GALNT13: variants seen among roughly 807,000 people sequenced by gnomAD.
GALNT13 encodes polypeptide N-acetylgalactosaminyltransferase 13.
Under a neutral mutation model 64.2 loss-of-function variants are expected in GALNT13, and 28 were observed. That is an observed-to-expected ratio of 0.44 (90% CI 0.32 to 0.60). GALNT13 has a LOEUF of 0.60. Among genes scored for constraint, GALNT13 ranks in the 20% least tolerant of loss-of-function variants. The pLI is 0.05. For missense variants in GALNT13, 577 were observed against 669.8 expected, an observed-to-expected ratio of 0.86 and a Z score of 1.53; for synonymous variants, 214 against 224.6, an observed-to-expected ratio of 0.95 and a Z score of 0.42.
At chr2:154,064,791 C>T (rs1332208619) in intron 3 of GALNT13, among the ~76,000 whole-genome samples, 2 of 152,086 alleles carry the variant, frequency 1.3e-5, no homozygotes, top group Admixed American at 1.3e-4. Flanking sequence ...CAGATGTGAT[C>T]CAGCAATTCC....
the GALNT13 span, among the ~76,000 whole-genome samples, chr2:153,657,254 G>A: frequency 6.6e-6 from 1 of 152,080 alleles, no homozygotes; most frequent in African/African-American, 2.4e-5. Context: ...GTTATTTACA[G>A]GAATGGGGGA....
intron 9 of GALNT13, among the ~76,000 whole-genome samples, chr2:154,353,151 A>G (rs1696506672): frequency 6.6e-6 from 1 of 152,170 alleles, no homozygotes; most frequent in African/African-American, 2.4e-5. Flanking sequence ...TCAGTTTATC[A>G]TCTATATAAT....
the GALNT13 span, among the ~76,000 whole-genome samples, chr2:153,437,073 T>C: frequency 6.6e-6 from 1 of 152,206 alleles, no homozygotes; most frequent in African/African-American, 2.4e-5. Context: ...TAGCCTTCAT[T>C]TCGTTATGTA....
intron 3 of GALNT13, among the ~76,000 whole-genome samples, chr2:154,073,264 T>C (rs1416683885): frequency 5.3e-5 from 8 of 152,032 alleles, no homozygotes; most frequent in Admixed American, 6.6e-5. Flanking sequence ...TAGTTTTTCG[T>C]AGAACATCAT....
intron 4 of GALNT13, among the ~76,000 whole-genome samples, chr2:154,168,424 T>A (rs1295317037): frequency 2.0e-5 from 3 of 152,118 alleles, no homozygotes; most frequent in Non-Finnish European, 4.4e-5. Context: ...AGTCTACTAA[T>A]TGACCTAATT....
At chr2:153,774,584 C>G in the GALNT13 span, among the ~76,000 whole-genome samples, 1 of 151,980 alleles carries the variant, frequency 6.6e-6, no homozygotes, top group Non-Finnish European at 1.5e-5. Flanking sequence ...TAAACTTATT[C>G]TTGTTGAAAT....
the GALNT13 span, among the ~76,000 whole-genome samples, chr2:153,172,976 G>A: frequency 2.0e-5 from 3 of 152,014 alleles, no homozygotes; most frequent in Admixed American, 6.5e-5. Flanking sequence ...CATGTGCTTC[G>A]GATATCTCCT....
At chr2:154,098,084 GTCTT>G (rs1370278246) in intron 3 of GALNT13, among the ~76,000 whole-genome samples, 13 of 113,200 alleles carry the variant, frequency 1.1e-4, no homozygotes, top group African/African-American at 4.0e-4. Flanking sequence ...TTCTCTGCTT[GTCTT>G]TCTTTTTTTT....
chr2:154,023,274 C>A (rs924335412), intron 3 of GALNT13, among the ~76,000 whole-genome samples: 3 of 152,180 alleles, frequency 2.0e-5, no homozygotes, highest in Non-Finnish European at 2.9e-5. Context: ...GTTTATCTGT[C>A]TAATGTTGAC....
At chr2:154,388,326 G>A (rs1228915945) in intron 9 of GALNT13, among the ~76,000 whole-genome samples, 1 of 151,986 alleles carries the variant, frequency 6.6e-6, no homozygotes, top group African/African-American at 2.4e-5. Context: ...TCAGATCCAT[G>A]GCTTACATTT....
chr2:153,918,837 A>G (rs1438821611), intron 2 of GALNT13, among the ~76,000 whole-genome samples: 7 of 152,126 alleles, frequency 4.6e-5, no homozygotes. Context: ...CAAGTCCATT[A>G]TTAGCTACAC....
At chr2:153,544,640 C>A in the GALNT13 span, among the ~76,000 whole-genome samples, 1 of 152,088 alleles carries the variant, frequency 6.6e-6, no homozygotes, top group African/African-American at 2.4e-5. Flanking sequence ...GGTAGGAACC[C>A]ATGATTCAGG....
At chr2:153,480,537 G>C in the GALNT13 span, among the ~76,000 whole-genome samples, 1 of 151,894 alleles carries the variant, frequency 6.6e-6, no homozygotes, top group African/African-American at 2.4e-5. Flanking sequence ...CCTCACTCTC[G>C]GCAATTTCTT....
At chr2:153,342,575 A>G in the GALNT13 span, among the ~76,000 whole-genome samples, 12 of 152,220 alleles carry the variant, frequency 7.9e-5, no homozygotes, top group Non-Finnish European at 1.5e-4. Context: ...ACACATTACA[A>G]TTTGACTTTA....
chr2:154,147,494 C>G (rs1683685474), intron 4 of GALNT13, among the ~76,000 whole-genome samples: 2 of 151,258 alleles, frequency 1.3e-5, no homozygotes, highest in South Asian at 4.2e-4. Flanking sequence ...TGGAACCAAG[C>G]TTTGTAAGAT....
the GALNT13 span, among the ~76,000 whole-genome samples, chr2:153,398,199 T>A: frequency 4.6e-5 from 7 of 152,072 alleles, no homozygotes; most frequent in Non-Finnish European, 1.0e-4. Flanking sequence ...TGCGATAGTT[T>A]ACTGAGAATG....
At chr2:153,973,692 A>G (rs1693891344) in intron 3 of GALNT13, among the ~76,000 whole-genome samples, 1 of 152,056 alleles carries the variant, frequency 6.6e-6, no homozygotes, top group Non-Finnish European at 1.5e-5. Context: ...TCTTTCATAT[A>G]GCAGGTACAG....
chr2:153,150,139 T>C, the GALNT13 span, among the ~76,000 whole-genome samples: 1 of 151,934 alleles, frequency 6.6e-6, no homozygotes, highest in Non-Finnish European at 1.5e-5. Flanking sequence ...TCAAATAACT[T>C]GAAAGGAAAG....
chr2:153,137,213 A>G, the GALNT13 span, among the ~76,000 whole-genome samples: 1 of 152,108 alleles, frequency 6.6e-6, no homozygotes, highest in African/African-American at 2.4e-5. Flanking sequence ...ATTATTGGTA[A>G]AGAACAAAGA....
Sources: allele counts gnomAD v4.1 joint callset (sites outside exome capture counted in the v4.1 genomes callset), GRCh38; gene constraint gnomAD v4.1.1; transcripts MANE v1.5; gene names NCBI Gene and HGNC (gene_info 2026-07-23, HGNC 2026-07-21).